ABHD5: variants seen among roughly 807,000 people sequenced by gnomAD.
ABHD5 encodes the protein 1-acylglycerol-3-phosphate O-acyltransferase ABHD5.
ABHD5 carries 30 observed loss-of-function variants against 44.9 expected under a neutral mutation model. The observed-to-expected ratio is 0.67, with a 90% CI of 0.50 to 0.91. The LOEUF is 0.91. Ranked by LOEUF, ABHD5 falls within the 40% of genes least tolerant of loss-of-function variation. The probability of loss-of-function intolerance (pLI) is 0.00; values close to 1 mark genes in which losing one functional copy is unlikely to be tolerated. For synonymous variants in ABHD5, 167 were observed against 147.0 expected (o/e 1.14, Z -0.99); for missense variants, 399 against 423.4 (o/e 0.94, Z 0.50).
At chr3:43,733,520 T>C (rs757355733) in intron 7 of ABHD5, among the ~76,000 whole-genome samples, 2 of 152,224 alleles carry the variant, frequency 1.3e-5, no homozygotes, top group Non-Finnish European at 2.9e-5. Flanking sequence ...AAGGTCAAAA[T>C]GTTATGCCAT....
intron 1 of ABHD5, among the ~76,000 whole-genome samples, chr3:43,696,702 A>G (rs1237337007): frequency 6.6e-6 from 1 of 152,230 alleles, no homozygotes; most frequent in East Asian, 1.9e-4. Flanking sequence ...CCTATTATGT[A>G]TATAACACTT....
chr3:43,702,085 T>C, intron 2 of ABHD5, 130 bp from the exon 3 acceptor site: 1 of 781,576 alleles, frequency 1.3e-6, no homozygotes, highest in African/African-American at 1.7e-5. Context: ...TTTTTAAAAA[T>C]AGCTGACAAT....
chr3:43,702,158 C>A, intron 2 of ABHD5, 57 bp from the exon 3 acceptor site: 1 of 1,491,694 alleles, frequency 6.7e-7, no homozygotes, highest in Non-Finnish European at 9.1e-7. Context: ...TCTGAGAATA[C>A]TTCCCTTCTC....
rs1421696732 is a variant in ABHD5, at chr3:43,721,333, T to C, written c.*2801T>C. 2.0e-5 allele frequency: 3 copies of C among 152,128 alleles called. No homozygotes were observed. Among genetic ancestry groups the C allele is most frequent in the Non-Finnish European group, 2.9e-5 (2 of 68,024 alleles). The allele number at this position is 152,128 out of a possible 1,614,324, so 9.4% of individuals were successfully genotyped here. On this transcript the variant is annotated 3_prime_UTR_variant, in exon 7 of 7. Transcript: ENST00000644371. The stretch of plus-strand genomic sequence containing the variant: ...CCAATTTTTAAAATGAAACCCTCTT[T>C]CTAACTAGAAGAAAACATAGATGAA...
At chr3:43,726,650 C>A (rs949131578), downstream of ABHD5, among the ~76,000 whole-genome samples, 1 of 152,234 alleles carries the variant, frequency 6.6e-6, no homozygotes, top group Non-Finnish European at 1.5e-5. Flanking sequence ...AATCAGAACA[C>A]CACATCCTCA....
Position 43,702,433 on chromosome 3 carries a change from C to A in ABHD5, c.352C>A (p.Pro118Thr), listed in dbSNP as rs573378765. The A allele has an allele frequency of 1.4e-5, 22 of 1,614,134 alleles. No homozygotes were observed. In the African/African-American group the frequency reaches 2.3e-4, roughly 17 times the overall value. The change falls in exon 3 of 7, where the codon CCC (proline) becomes ACC (threonine). Residue 118 changes from proline to threonine, a missense_variant. By Grantham distance (38) the Pro-to-Thr change is conservative. Coordinates refer to ENST00000644371, the MANE Select transcript of ABHD5 (RefSeq NM_016006.6). Reference protein sequence around the residue: ...DLLGFGRSSRPRFDSDAEEVE... With the variant: ...DLLGFGRSSRTRFDSDAEEVE... ...ATTGGGTTTTGGACGAAGTAGTAGACCCAGGTTTGACAGTGATGCAGAAGA... is the reference window on the plus strand; with the variant it reads ...ATTGGGTTTTGGACGAAGTAGTAGAACCAGGTTTGACAGTGATGCAGAAGA...
chr3:43,698,941 C>T (rs1316079503), intron 1 of ABHD5, among the ~76,000 whole-genome samples: 6 of 152,154 alleles, frequency 3.9e-5, no homozygotes, highest in African/African-American at 7.2e-5. Flanking sequence ...TGCACTTCTA[C>T]CCCAATAAGA....
chr3:43,691,022 T>A lies in ABHD5; in HGVS notation c.30T>A (p.Ser10=). Residue 10 remains serine (S), a synonymous_variant, in exon 1 of 7, where the codon TCT becomes TCA. Transcript: ENST00000644371. MAAEEEEVD[S]ADTGERSGWL... ...CGGCGGAGGAGGAGGAGGTGGACTCTGCCGACACCGGAGAGAGGTAAGCGC... is the reference window on the plus strand; with the variant it reads ...CGGCGGAGGAGGAGGAGGTGGACTCAGCCGACACCGGAGAGAGGTAAGCGC... 6.4e-7 allele frequency: 1 copy of A among 1,563,930 alleles called. No homozygotes were observed. Among genetic ancestry groups the A allele is most frequent in the South Asian group, 1.2e-5 (1 of 86,318 alleles).
chr3:43,723,404 A>T (rs2084856752), downstream of ABHD5, among the ~76,000 whole-genome samples: 1 of 152,220 alleles, frequency 6.6e-6, no homozygotes, highest in South Asian at 2.1e-4. Context: ...TAATGAAGGA[A>T]CAGATCCAGC....
At chr3:43,713,230 T>C (rs1424474527) in intron 4 of ABHD5, among the ~76,000 whole-genome samples, 1 of 144,354 alleles carries the variant, frequency 6.9e-6, no homozygotes, top group Non-Finnish European at 1.5e-5. Flanking sequence ...GGCTGAGACA[T>C]GAGAATTACT....
chr3:43,710,744 T>C (rs1209780668), intron 3 of ABHD5, among the ~76,000 whole-genome samples: 1 of 152,250 alleles, frequency 6.6e-6, no homozygotes, highest in East Asian at 1.9e-4. Context: ...AAAGGGACTT[T>C]AGAGTCATTG....
At position 43,719,630 on chromosome 3, in the gene ABHD5, A is replaced by G. The variant is rs1486356091; in HGVS notation, c.*1098A>G. On this transcript the variant is annotated 3_prime_UTR_variant, in exon 7 of 7. Transcript: ENST00000644371. Reference sequence around the variant, plus strand: ...CTTGAAGTTATATTACAAAAATTCTAGAAGGTTGATTGAACTATTTTTTTA... The same window carrying G: ...CTTGAAGTTATATTACAAAAATTCTGGAAGGTTGATTGAACTATTTTTTTA... The G allele has an allele frequency of 6.6e-6, 1 of 152,218 alleles. No homozygotes were observed. The highest frequency in any genetic ancestry group is 2.4e-5 in the African/African-American group (1 of 41,464). 9.4% of individuals were successfully genotyped at this position (152,218 alleles called of 1,614,324 possible).
intron 7 of ABHD5, among the ~76,000 whole-genome samples, chr3:43,733,327 A>G (rs1697275175): frequency 6.6e-6 from 1 of 152,212 alleles, no homozygotes; most frequent in South Asian, 2.1e-4. Flanking sequence ...CCTATGGTTG[A>G]CAAGGTGTCT....
chr3:43,705,907 T>C (rs2149598611), intron 3 of ABHD5, among the ~76,000 whole-genome samples: 1 of 152,140 alleles, frequency 6.6e-6, no homozygotes, highest in South Asian at 2.1e-4. Context: ...TGCTTGGTCC[T>C]GGTTGGGCAA....
In ABHD5 at chr3:43,718,737, A is replaced by G. The variant is rs532650650; in HGVS notation, c.*205A>G. On this transcript the variant is annotated 3_prime_UTR_variant, in exon 7 of 7. Coordinates refer to ENST00000644371, the MANE Select transcript of ABHD5 (RefSeq NM_016006.6). ...AGAATGGCTTTCCTTTCTCCTACACAAAATTGAAATATACAAGTCTCTAAA... is the reference window on the plus strand; with the variant it reads ...AGAATGGCTTTCCTTTCTCCTACACGAAATTGAAATATACAAGTCTCTAAA... The G allele has an allele frequency of 2.1e-5, 12 of 573,418 alleles. No homozygotes were observed. Among genetic ancestry groups the G allele is most frequent in the African/African-American group, 2.1e-4 (11 of 53,514 alleles). 35.5% of individuals were successfully genotyped at this position (573,418 alleles called of 1,614,324 possible). A position where few individuals can be genotyped will look rare whatever the true frequency, so the allele number is the denominator to read the frequency against.
At chr3:43,710,640 GACA>G (rs2084677690) in intron 3 of ABHD5, among the ~76,000 whole-genome samples, 1 of 152,192 alleles carries the variant, frequency 6.6e-6, no homozygotes, top group Non-Finnish European at 1.5e-5. Flanking sequence ...TATGCATGCT[GACA>G]ACAATAATAG....
intron 1 of ABHD5, among the ~76,000 whole-genome samples, chr3:43,693,868 T>G (rs1450687242): frequency 6.6e-6 from 1 of 152,006 alleles, no homozygotes; most frequent in African/African-American, 2.4e-5. Context: ...TGGAGATGAC[T>G]CAGATCTCAT....
chr3:43,705,397 T>C (rs1265010147), intron 3 of ABHD5, among the ~76,000 whole-genome samples: 1 of 152,178 alleles, frequency 6.6e-6, no homozygotes, highest in Non-Finnish European at 1.5e-5. Context: ...AATAAAGAGA[T>C]CATTCTGTGT....
chr3:43,721,685 G>A lies in ABHD5; in HGVS notation c.*3153G>A, dbSNP rs992040699. ...AGTAAGCCACTGCACTCCAGCCTGG[G>A]TGACAGAGAAGAAAAAAGATTTTTT... is the stretch of plus-strand genomic sequence containing the variant. On this transcript the variant is annotated 3_prime_UTR_variant, in exon 7 of 7. Transcript: ENST00000644371. 2 of 152,144 alleles carry A rather than the reference G, an allele frequency of 1.3e-5. No individual in the cohort carries two copies. Among genetic ancestry groups the A allele is most frequent in the Non-Finnish European group, 2.9e-5 (2 of 68,044 alleles). The allele number at this position is 152,144 out of a possible 1,614,324, so 9.4% of individuals were successfully genotyped here.
Sources: gnomAD v4.1 joint callset for allele counts (sites outside exome capture counted in the v4.1 genomes callset) on GRCh38, gnomAD v4.1.1 for gene constraint, MANE v1.5 for transcripts, NCBI Gene and HGNC (gene_info 2026-07-23, HGNC 2026-07-21) for gene names.